ITGA11: variants seen among roughly 807,000 people sequenced by gnomAD.
ITGA11 encodes integrin subunit alpha 11, also known as integrin alpha-11.
ITGA11 carries 97 observed loss-of-function variants against 141.9 expected under a neutral mutation model. The ratio of observed to expected loss-of-function variants is 0.68; its 90% CI spans 0.58 to 0.81. The LOEUF (loss-of-function observed/expected upper bound fraction) is 0.81, where lower values mean the gene tolerates loss of function less well. ITGA11 is among the 30% of genes least tolerant of loss of function. The pLI, the probability that ITGA11 is intolerant of heterozygous loss-of-function variation, is 0.00. For missense variants in ITGA11, 1,387 were observed against 1,559.2 expected (o/e 0.89, Z 1.86); for synonymous variants, 658 against 624.6 (o/e 1.05, Z -0.80).
intron 10 of ITGA11, 114 bp from the exon 11 acceptor site, chr15:68,339,758 C>T: frequency 8.3e-7 from 1 of 1,198,380 alleles, no homozygotes; most frequent in Non-Finnish European, 1.2e-6. Context: ...GGCACCTTCT[C>T]CTGGGTGCAT....
At chr15:68,317,244 C>A (rs554355259) in intron 21 of ITGA11, 21 bp downstream of exon 21, 4 of 1,571,876 alleles carry the variant, frequency 2.5e-6, no homozygotes, top group South Asian at 1.1e-5. Context: ...GACCCTCCCC[C>A]ACATTGTCCC....
At chr15:68,404,887 G>C (rs1274130711) in intron 1 of ITGA11, among the ~76,000 whole-genome samples, 1 of 152,190 alleles carries the variant, frequency 6.6e-6, no homozygotes, top group Non-Finnish European at 1.5e-5. Context: ...TACTTATTTA[G>C]TTTCAAAGAC....
chr15:68,372,555 G>A (rs887080979), intron 2 of ITGA11, among the ~76,000 whole-genome samples: 4 of 152,346 alleles, frequency 2.6e-5, no homozygotes, highest in East Asian at 1.9e-4. Context: ...GGCTTCGGTG[G>A]ATGGGAAAAT....
chr15:68,355,447 CTTTTT>C (rs530960844), intron 7 of ITGA11, among the ~76,000 whole-genome samples: 7 of 150,872 alleles, frequency 4.6e-5, no homozygotes, highest in Admixed American at 4.0e-4. Context: ...TTCTTTTTTT[CTTTTT>C]TTCTTTTTTT....
At chr15:68,364,685 A>G (rs1357625913) in intron 4 of ITGA11, 22 bp downstream of exon 4, 9 of 1,585,120 alleles carry the variant, frequency 5.7e-6, no homozygotes, top group Non-Finnish European at 7.8e-6. Context: ...CCTGACCCCA[A>G]GCAGTGGCAG....
intron 1 of ITGA11, among the ~76,000 whole-genome samples, chr15:68,422,623 C>G (rs1314474403): frequency 6.6e-6 from 1 of 152,134 alleles, no homozygotes; most frequent in Non-Finnish European, 1.5e-5. Flanking sequence ...TGGCTCCCAT[C>G]TGCTAAATCC....
Position 68,324,190 on chromosome 15 carries a change from A to G in ITGA11, c.2322+941T>C, listed in dbSNP as rs1893898107. Among the ~76,000 whole-genome samples, 1 of 147,020 alleles carries G rather than the reference A, an allele frequency of 6.8e-6. No homozygotes were observed. Among genetic ancestry groups the G allele is most frequent in the Admixed American group, 6.8e-5 (1 of 14,750 alleles). On this transcript the variant is annotated intron_variant, in intron 18 of 29. Coordinates refer to ENST00000315757, the MANE Select transcript of ITGA11 (RefSeq NM_001004439.2). The surrounding 1 kb of genome is among the most constrained non-coding windows in gnomAD (Gnocchi z 6.3). The stretch of plus-strand genomic sequence containing the variant: ...GCAGGGGACTGTGGGAGGCCTGGGG[A>G]GAGGGGTGTGGAGGGGCTGTGGGGG...
chr15:68,370,105 C>T (rs1013516914), intron 2 of ITGA11, among the ~76,000 whole-genome samples: 10 of 152,158 alleles, frequency 6.6e-5, no homozygotes, highest in Non-Finnish European at 1.2e-4. Flanking sequence ...CCAGAGCCTG[C>T]GGAGGGAGTG....
In ITGA11 at chr15:68,338,768, C is replaced by T. The variant is rs540536793; in HGVS notation, c.1276+732G>A. On this transcript the variant is annotated intron_variant, in intron 11 of 29. Transcript: ENST00000315757. ...CCCAAGTCCATGGAGGAGTGGGGTC[C>T]GAGGAGGCCTCAATGAGGAGTAACT... Among the ~76,000 whole-genome samples, 91 of 152,294 alleles carry T rather than the reference C, an allele frequency of 6.0e-4. 1 individual carries two copies. In the South Asian group the frequency reaches 0.018, roughly 30 times the overall value.
Position 68,376,832 on chromosome 15 carries a change from C to T in ITGA11, c.165-7548G>A, listed in dbSNP as rs143918163. On this transcript the variant is annotated intron_variant, in intron 2 of 29. Transcript: ENST00000315757. The stretch of plus-strand genomic sequence containing the variant: ...CACACTTGCTGGTCATCAGGATCAC[C>T]AGGGGAGGTACAAATGCAGGTTCCT... Among the ~76,000 whole-genome samples the T allele has an allele frequency of 2.6e-3, 400 of 152,330 alleles. 2 individuals are homozygous for T. The highest frequency in any genetic ancestry group is 9.2e-3 in the African/African-American group (383 of 41,582).
intron 2 of ITGA11, among the ~76,000 whole-genome samples, chr15:68,379,768 T>C (rs538517726): frequency 6.6e-6 from 1 of 152,384 alleles, no homozygotes; most frequent in East Asian, 1.9e-4. Flanking sequence ...GAGGTTTTTT[T>C]CTTTCCACTT....
rs145625433 is a variant in ITGA11, at chr15:68,321,901, G to A, written c.2323-398C>T. ...ATTGGTGTATGAACAAATCACTAGT[G>A]TAAAATGTGCAAAAAAACCGAAAAG... On this transcript the variant is annotated intron_variant, in intron 18 of 29. Transcript: ENST00000315757. The surrounding 1 kb of genome is among the most constrained non-coding windows in gnomAD (Gnocchi z 4.9). 3.9e-3 allele frequency among the ~76,000 whole-genome samples: 588 copies of A among 152,322 alleles called. 6 individuals carry two copies. Among genetic ancestry groups the A allele is most frequent in the Non-Finnish European group, 5.9e-3 (398 of 68,032 alleles).
chr15:68,389,620 C>G (rs192978464), intron 2 of ITGA11, among the ~76,000 whole-genome samples: 1 of 152,254 alleles, frequency 6.6e-6, no homozygotes, highest in African/African-American at 2.4e-5. Flanking sequence ...CTACAAGTTG[C>G]TCCTGTCTGT....
At chr15:68,415,118 C>G (rs1249057027) in intron 1 of ITGA11, among the ~76,000 whole-genome samples, 1 of 152,174 alleles carries the variant, frequency 6.6e-6, no homozygotes, top group African/African-American at 2.4e-5. Flanking sequence ...CTGCTTGTCT[C>G]TCTGCTAACT....
chr15:68,384,034 A>T (rs1895924425), intron 2 of ITGA11, among the ~76,000 whole-genome samples: 1 of 152,006 alleles, frequency 6.6e-6, no homozygotes, highest in African/African-American at 2.4e-5. Flanking sequence ...TATTTTCACT[A>T]CCGAGATTGT....
At chr15:68,365,810 A>C (rs1034269697) in intron 3 of ITGA11, among the ~76,000 whole-genome samples, 5 of 151,458 alleles carry the variant, frequency 3.3e-5, no homozygotes, top group African/African-American at 1.2e-4. Context: ...ATCGTGGCTC[A>C]CTGCAATCTC....
At chr15:68,368,941 A>G (rs1895506452) in intron 3 of ITGA11, among the ~76,000 whole-genome samples, 1 of 137,986 alleles carries the variant, frequency 7.2e-6, no homozygotes, top group Admixed American at 8.0e-5. Context: ...ATGGCCTGGG[A>G]CAGCTAGGGC....
chr15:68,343,485 A>C (rs1894636857), intron 10 of ITGA11, among the ~76,000 whole-genome samples: 1 of 152,206 alleles, frequency 6.6e-6, no homozygotes, highest in Non-Finnish European at 1.5e-5. Flanking sequence ...CTGAGCCCAC[A>C]TGCCAGACAG....
In ITGA11 at chr15:68,321,756, C is replaced by T. The variant is rs1893822486; in HGVS notation, c.2323-253G>A. 6.6e-6 allele frequency among the ~76,000 whole-genome samples: 1 copy of T among 152,198 alleles called. No individual in the cohort carries two copies. The highest frequency in any genetic ancestry group is 1.5e-5 in the Non-Finnish European group (1 of 68,022). On this transcript the variant is annotated intron_variant, in intron 18 of 29. Transcript: ENST00000315757. This position sits in a 1 kb window ranked among gnomAD's most constrained non-coding sequence, Gnocchi z 4.9. Reference sequence around the variant, plus strand: ...ATGGCACAGAACCCCCACCCCCACTCACCCAGCAGAGCGGTTCTGGTCAAC... The same window carrying T: ...ATGGCACAGAACCCCCACCCCCACTTACCCAGCAGAGCGGTTCTGGTCAAC...
Sources: gnomAD v4.1 joint callset for allele counts (sites outside exome capture counted in the v4.1 genomes callset) on GRCh38, gnomAD v4.1.1 for gene constraint, Gnocchi (gnomAD v3.1) non-coding constraint, MANE v1.5 for transcripts, NCBI Gene and HGNC (gene_info 2026-07-23, HGNC 2026-07-21) for gene names.